The following COP1 variants were observed in gnomAD, a reference collection of about 807,000 sequenced individuals.
COP1 encodes the protein E3 ubiquitin-protein ligase COP1.
Under a neutral mutation model 101.3 loss-of-function variants are expected in COP1, and 24 were observed. The observed-to-expected ratio is 0.24, with a 90% confidence interval of 0.17 to 0.33. COP1 has a LOEUF of 0.33. Among genes scored for constraint, COP1 ranks in the 10% least tolerant of loss-of-function variants. The pLI is 1.00. For missense variants in COP1, 663 were observed against 906.2 expected, an observed-to-expected ratio of 0.73 and a Z score of 3.45; for synonymous variants, 347 against 341.9, an observed-to-expected ratio of 1.01 and a Z score of -0.17.
chr1:176,018,486 C>G (rs530240860), intron 15 of COP1: 5 of 152,114 alleles, frequency 3.3e-5, no homozygotes, highest in Non-Finnish European at 7.3e-5. Flanking sequence ...AAGAGCTGCT[C>G]AGCTTAAAGC....
chr1:175,948,000 T>C (rs1649402568), intron 18 of COP1, among the ~76,000 whole-genome samples: 1 of 152,266 alleles, frequency 6.6e-6, no homozygotes, highest in Non-Finnish European at 1.5e-5. Context: ...GATGGACATT[T>C]GGTATTAGGA....
intron 14 of COP1, among the ~76,000 whole-genome samples, chr1:176,028,596 T>A (rs753274731): frequency 4.8e-5 from 7 of 144,380 alleles, no homozygotes; most frequent in African/African-American, 1.8e-4. Context: ...TCAATATAGA[T>A]AAACGATAAA....
Position 176,149,001 on chromosome 1 carries a change from T to A in COP1, c.831+5A>T, listed in dbSNP as rs777833373. The A allele has an allele frequency of 6.5e-7, 1 of 1,545,260 alleles. No individual in the cohort carries two copies. The highest frequency in any genetic ancestry group is 1.2e-5 in the South Asian group (1 of 84,752). On this transcript the variant is annotated splice_donor_5th_base_variant and intron_variant, in intron 6 of 19. Coordinates refer to ENST00000367669, the MANE Select transcript of COP1 (RefSeq NM_022457.7). ...ACATTATGTAAAACACACAAAATAA[T>A]ATACCTCTCTCTTATTTCTTCTTGC...
intron 18 of COP1, among the ~76,000 whole-genome samples, chr1:175,961,909 G>GA (rs35007985): frequency 0.071 from 10,280 of 145,404 alleles, 443 homozygotes; most frequent in Admixed American, 0.091. Context: ...GAATAAATTT[G>GA]AAAAAAAAAA....
At chr1:175,979,264 G>A (rs995716593) in intron 18 of COP1, among the ~76,000 whole-genome samples, 1 of 152,018 alleles carries the variant, frequency 6.6e-6, no homozygotes, top group African/African-American at 2.4e-5. Context: ...GAGCCCCAGG[G>A]TTTTCTGATT....
intron 15 of COP1, among the ~76,000 whole-genome samples, chr1:176,006,347 T>C (rs1010162482): frequency 1.2e-4 from 18 of 152,246 alleles, no homozygotes; most frequent in African/African-American, 2.9e-4. Flanking sequence ...AGTCTATTTA[T>C]ATTTAAAGTT....
chr1:176,126,465 T>C (rs936685926), intron 8 of COP1, among the ~76,000 whole-genome samples: 3 of 152,190 alleles, frequency 2.0e-5, no homozygotes, highest in African/African-American at 7.2e-5. Context: ...TTTTTTCTTT[T>C]CTTTTTTTTT....
chr1:175,947,276 G>A, intron 18 of COP1, 37 bp from the exon 19 acceptor site: 1 of 1,447,092 alleles, frequency 6.9e-7, no homozygotes, highest in Non-Finnish European at 9.7e-7. Flanking sequence ...TATAGAGAAG[G>A]ATTTCCTGGA....
At chr1:176,049,044 C>T (rs1019821934) in intron 11 of COP1, among the ~76,000 whole-genome samples, 30 of 151,342 alleles carry the variant, frequency 2.0e-4, no homozygotes, top group Middle Eastern at 3.2e-3. Context: ...CGGTGGCGGG[C>T]GCCTGTAGTC....
At chr1:176,040,691 A>C (rs1450391970) in intron 14 of COP1, among the ~76,000 whole-genome samples, 2 of 152,126 alleles carry the variant, frequency 1.3e-5, no homozygotes, top group Non-Finnish European at 2.9e-5. Flanking sequence ...ATGGCCCAAA[A>C]CTTTTTAGGG....
intron 15 of COP1, among the ~76,000 whole-genome samples, chr1:176,010,599 A>G (rs780508552): frequency 5.3e-5 from 8 of 152,210 alleles, no homozygotes; most frequent in Admixed American, 1.3e-4. Flanking sequence ...GGTCCTTTCT[A>G]TCACATCAAA....
At chr1:176,205,536 T>C (rs901688758) in intron 1 of COP1, among the ~76,000 whole-genome samples, 7 of 152,220 alleles carry the variant, frequency 4.6e-5, no homozygotes, top group African/African-American at 1.7e-4. Flanking sequence ...AGCAGCCAAC[T>C]TCCTACATGC....
In COP1 at chr1:176,057,903, C is replaced by T. The variant is rs537123175; in HGVS notation, c.1278-11579G>A. ...CTAGGAAGTGAGGAGCGTCTCTGCC[C>T]GGCCGCCCATCCTCTGAGATGTGGG... On this transcript the variant is annotated intron_variant, in intron 11 of 19. Transcript: ENST00000367669. Among the ~76,000 whole-genome samples, 253 of 151,566 alleles carry T rather than the reference C, an allele frequency of 1.7e-3. 2 individuals are homozygous for T. Among genetic ancestry groups the T allele is most frequent in the Admixed American group, 3.4e-3 (52 of 15,252 alleles).
At chr1:176,001,012 T>C (rs1661471050) in intron 15 of COP1, among the ~76,000 whole-genome samples, 1 of 152,074 alleles carries the variant, frequency 6.6e-6, no homozygotes, top group Admixed American at 6.6e-5. Flanking sequence ...ATTACATCTT[T>C]CTATGTTACA....
At chr1:176,010,785 A>C (rs1465894038) in intron 15 of COP1, among the ~76,000 whole-genome samples, 1 of 152,222 alleles carries the variant, frequency 6.6e-6, no homozygotes, top group Non-Finnish European at 1.5e-5. Context: ...ATGCAGCTAA[A>C]TGTCAAATGT....
chr1:176,069,263 A>C (rs1472653789), intron 11 of COP1, among the ~76,000 whole-genome samples: 1 of 152,208 alleles, frequency 6.6e-6, no homozygotes, highest in Non-Finnish European at 1.5e-5. Context: ...ATGAAGCAAT[A>C]AAAGTAAATA....
intron 18 of COP1, chr1:175,982,228 C>A (rs1441320814): frequency 1.2e-5 from 4 of 321,644 alleles, no homozygotes; most frequent in Non-Finnish European, 2.5e-5. Flanking sequence ...AAAAAACATG[C>A]ACACTCTTTT....
intron 8 of COP1, among the ~76,000 whole-genome samples, chr1:176,133,142 G>T (rs149262829): frequency 7.3e-6 from 1 of 137,354 alleles, no homozygotes. Context: ...ATACACATAC[G>T]TATATACGTA....
At chr1:176,045,638 G>T (rs1481583046) in intron 12 of COP1, among the ~76,000 whole-genome samples, 1 of 149,362 alleles carries the variant, frequency 6.7e-6, no homozygotes, top group Non-Finnish European at 1.5e-5. Context: ...TTGGGGAGCA[G>T]ATCAGGAGTA....
Sources: gnomAD v4.1 joint callset for allele counts (sites outside exome capture counted in the v4.1 genomes callset) on GRCh38, gnomAD v4.1.1 for gene constraint, MANE v1.5 for transcripts, NCBI Gene and HGNC (gene_info 2026-07-23, HGNC 2026-07-21) for gene names.